Variants in RABGAP1L observed in about 807,000 individuals in gnomAD.
RABGAP1L encodes rab GTPase-activating protein 1-like.
In RABGAP1L, 63 loss-of-function variants were observed where a neutral mutation model predicts 137.7. That is an observed-to-expected ratio of 0.46 (90% confidence interval 0.37 to 0.56). The LOEUF is 0.56. RABGAP1L is among the 20% of genes least tolerant of loss of function. RABGAP1L has a pLI of 0.00. For synonymous variants in RABGAP1L, 431 were observed against 433.7 expected (o/e 0.99, Z 0.08); for missense variants, 1,095 against 1,244.0 (o/e 0.88, Z 1.80).
chr1:174,325,262 G>T (rs953506904), intron 11 of RABGAP1L, among the ~76,000 whole-genome samples: 2 of 152,198 alleles, frequency 1.3e-5, no homozygotes, highest in African/African-American at 4.8e-5. Flanking sequence ...TTTTAGCATC[G>T]TGGCAGTTTC....
intron 1 of RABGAP1L, among the ~76,000 whole-genome samples, chr1:174,169,852 ACT>A (rs1234851895): frequency 6.6e-6 from 1 of 151,480 alleles, no homozygotes; most frequent in African/African-American, 2.4e-5. Context: ...TACCCACCAC[ACT>A]CTGCTAATTT....
chr1:174,614,773 A>T (rs1671635360), intron 13 of RABGAP1L, among the ~76,000 whole-genome samples: 1 of 151,998 alleles, frequency 6.6e-6, no homozygotes, highest in Non-Finnish European at 1.5e-5. Context: ...GGCTTTGCTC[A>T]TTTCTTTTTA....
At chr1:174,984,223 T>C (rs900543034) in intron 24 of RABGAP1L, among the ~76,000 whole-genome samples, 2 of 152,124 alleles carry the variant, frequency 1.3e-5, no homozygotes, top group South Asian at 2.1e-4. Flanking sequence ...TGTTCCCCTC[T>C]TCTGTGTCCA....
At position 174,510,160 on chromosome 1, in the gene RABGAP1L, C is replaced by G. The variant is rs567597828; in HGVS notation, c.1710+116015C>G. Reference sequence around the variant, plus strand: ...TTTAGCTTCATTTGCAAGGCCTGTCCCAGTTTAGCTCTTTAGCCTCCTTTT... The same window carrying G: ...TTTAGCTTCATTTGCAAGGCCTGTCGCAGTTTAGCTCTTTAGCCTCCTTTT... On this transcript the variant is annotated intron_variant, in intron 13 of 25. Transcript: ENST00000681986. Among the ~76,000 whole-genome samples, 13 of 152,274 alleles carry G rather than the reference C, an allele frequency of 8.5e-5. 1 individual carries two copies. The highest frequency in any genetic ancestry group is 2.6e-4 in the African/African-American group (11 of 41,558).
At chr1:174,472,339 C>T (rs1398736254) in intron 13 of RABGAP1L, among the ~76,000 whole-genome samples, 1 of 152,158 alleles carries the variant, frequency 6.6e-6, no homozygotes, top group African/African-American at 2.4e-5. Context: ...TAGTGGCTGA[C>T]AGCATGTGGG....
intron 12 of RABGAP1L, among the ~76,000 whole-genome samples, chr1:174,374,643 A>G (rs578070241): frequency 1.6e-4 from 24 of 152,314 alleles, no homozygotes; most frequent in African/African-American, 5.8e-4. Context: ...AGGGGAATAT[A>G]ATTTAATGGG....
chr1:174,905,639 T>C (rs1658921858), intron 19 of RABGAP1L, among the ~76,000 whole-genome samples: 1 of 151,974 alleles, frequency 6.6e-6, no homozygotes, highest in African/African-American at 2.4e-5. Flanking sequence ...TCACTTGAGG[T>C]CAGGAGTTCG....
chr1:174,237,224 A>C (rs1485445683), intron 4 of RABGAP1L, among the ~76,000 whole-genome samples: 1 of 144,864 alleles, frequency 6.9e-6, no homozygotes, highest in Non-Finnish European at 1.5e-5. Flanking sequence ...CTCTTTATCC[A>C]ATTTGCCAGT....
intron 14 of RABGAP1L, among the ~76,000 whole-genome samples, chr1:174,660,139 C>A (rs1335294119): frequency 1.3e-5 from 2 of 152,180 alleles, no homozygotes; most frequent in Non-Finnish European, 2.9e-5. Flanking sequence ...TCTGTATACA[C>A]CCCTTTTGTG....
chr1:174,215,297 TA>T (rs1452366337), intron 1 of RABGAP1L, among the ~76,000 whole-genome samples: 1 of 151,550 alleles, frequency 6.6e-6, no homozygotes, highest in Non-Finnish European at 1.5e-5. Flanking sequence ...TCTCTACCAA[TA>T]ATACAAAAAT....
intron 19 of RABGAP1L, among the ~76,000 whole-genome samples, chr1:174,843,778 T>TTCTAGA (rs1480324369): frequency 8.4e-6 from 1 of 119,068 alleles, no homozygotes; most frequent in Non-Finnish European, 1.7e-5. Context: ...GTATTTCTAG[T>TTCTAGA]TCTAGATCCC....
chr1:174,370,073 T>C (rs1242559831), intron 11 of RABGAP1L, among the ~76,000 whole-genome samples: 1 of 152,238 alleles, frequency 6.6e-6, no homozygotes, highest in African/African-American at 2.4e-5. Context: ...ACTACTGTTC[T>C]TAACACAGAT....
intron 24 of RABGAP1L, among the ~76,000 whole-genome samples, chr1:174,983,594 T>C (rs1426995853): frequency 1.3e-5 from 2 of 152,228 alleles, no homozygotes; most frequent in Non-Finnish European, 2.9e-5. Context: ...GGTTTCATAC[T>C]AGTAAATAAA....
At position 174,643,907 on chromosome 1, in the gene RABGAP1L, T is replaced by C. The variant is rs1380928257; in HGVS notation, c.1824+6419T>C. Reference sequence around the variant, plus strand: ...GCAACCCAAAGTTGAAAAACTTCACTTATATAGGGGTGTGTGTGTGTGTGT... The same window carrying C: ...GCAACCCAAAGTTGAAAAACTTCACCTATATAGGGGTGTGTGTGTGTGTGT... On this transcript the variant is annotated intron_variant, in intron 14 of 25. Transcript: ENST00000681986. 2.8e-5 allele frequency among the ~76,000 whole-genome samples: 4 copies of C among 141,688 alleles called. 1 individual carries two copies. The highest frequency in any genetic ancestry group is 4.0e-4 in the East Asian group (2 of 4,944). 93.0% of individuals were successfully genotyped at this position (141,688 alleles called of 152,430 possible).
chr1:174,412,869 C>T (rs1170530800), intron 13 of RABGAP1L, among the ~76,000 whole-genome samples: 1 of 152,098 alleles, frequency 6.6e-6, no homozygotes, highest in Non-Finnish European at 1.5e-5. Context: ...CATGATCTGA[C>T]CTTTTTCTCT....
chr1:174,264,419 C>T (rs1204936714), intron 7 of RABGAP1L, among the ~76,000 whole-genome samples: 102 of 152,254 alleles, frequency 6.7e-4, no homozygotes, highest in Non-Finnish European at 1.5e-5. Context: ...GTTAGATTAG[C>T]CCATCCAGTC....
intron 13 of RABGAP1L, among the ~76,000 whole-genome samples, chr1:174,429,599 CATG>C (rs1425738979): frequency 2.0e-5 from 3 of 152,008 alleles, no homozygotes; most frequent in Non-Finnish European, 1.5e-5. Flanking sequence ...ATTAGCCAGA[CATG>C]GTGGTGGGCA....
chr1:174,699,099 T>TC (rs1679465675), intron 15 of RABGAP1L, among the ~76,000 whole-genome samples: 1 of 152,168 alleles, frequency 6.6e-6, no homozygotes, highest in East Asian at 1.9e-4. Flanking sequence ...GCTCAAGCGA[T>TC]CCTTCCACCT....
intron 22 of RABGAP1L, among the ~76,000 whole-genome samples, chr1:174,977,615 T>C (rs1040036974): frequency 1.3e-5 from 2 of 152,224 alleles, no homozygotes; most frequent in Admixed American, 1.3e-4. Flanking sequence ...GTAACTGTTT[T>C]AATCATTATG....
Sources: gnomAD v4.1 joint callset for allele counts (sites outside exome capture counted in the v4.1 genomes callset) on GRCh38, gnomAD v4.1.1 for gene constraint, MANE v1.5 for transcripts, NCBI Gene and HGNC (gene_info 2026-07-23, HGNC 2026-07-21) for gene names.